MEGF10: variants seen among roughly 807,000 people sequenced by gnomAD.
The protein encoded by MEGF10 is multiple epidermal growth factor-like domains protein 10.
Under a neutral mutation model 147.5 loss-of-function variants are expected in MEGF10, and 86 were observed. The observed-to-expected ratio is 0.58, with a 90% confidence interval of 0.49 to 0.70. The LOEUF (loss-of-function observed/expected upper bound fraction) is 0.70. Ranked by LOEUF, MEGF10 falls within the 30% of genes least tolerant of loss-of-function variation. The pLI is 0.00. For synonymous variants in MEGF10, 478 were observed against 525.5 expected (o/e 0.91, Z 1.24); for missense variants, 1,329 against 1,487.3 (o/e 0.89, Z 1.75).
At chr5:127,396,837 G>A in intron 6 of MEGF10, 59 bp downstream of exon 6, 2 of 1,570,314 alleles carry the variant, frequency 1.3e-6, no homozygotes. Context: ...CATTCATGCT[G>A]CTGCTGCCAT....
chr5:127,260,448 T>G, the MEGF10 span, among the ~76,000 whole-genome samples: 1 of 152,166 alleles, frequency 6.6e-6, no homozygotes. Context: ...CCCAGAAGTT[T>G]CTGGTAAACC....
chr5:127,377,864 G>A lies in MEGF10; in HGVS notation c.412+7862G>A, dbSNP rs146992766. Among the ~76,000 whole-genome samples the A allele has an allele frequency of 1.8e-3, 275 of 152,290 alleles. 3 individuals are homozygous for A. The highest frequency in any genetic ancestry group is 6.2e-3 in the African/African-American group (259 of 41,552). ...CTGTCAGAATTACTTTCGAAATCAGGTTGATGGAGCAGCAAGAATAAGAGT... is the reference window on the plus strand; with the variant it reads ...CTGTCAGAATTACTTTCGAAATCAGATTGATGGAGCAGCAAGAATAAGAGT... On this transcript the variant is annotated intron_variant, in intron 5 of 24. Coordinates refer to ENST00000503335, the MANE Select transcript of MEGF10 (RefSeq NM_001256545.2).
chr5:127,354,630 G>A (rs186242370), intron 4 of MEGF10, among the ~76,000 whole-genome samples: 2 of 152,294 alleles, frequency 1.3e-5, no homozygotes, highest in African/African-American at 2.4e-5. Flanking sequence ...GTATCCTGTG[G>A]CATTCTGGAA....
intron 5 of MEGF10, among the ~76,000 whole-genome samples, chr5:127,372,002 G>T (rs547260731): frequency 1.3e-5 from 2 of 152,164 alleles, no homozygotes; most frequent in Non-Finnish European, 2.9e-5. Flanking sequence ...TGCTATCTGG[G>T]TTTTGTCTGT....
At chr5:127,336,200 G>C (rs552231774) in intron 2 of MEGF10, among the ~76,000 whole-genome samples, 1 of 151,584 alleles carries the variant, frequency 6.6e-6, no homozygotes, top group African/African-American at 2.4e-5. Context: ...TTCTGTACTG[G>C]GTTTGAGTGT....
At chr5:127,338,405 C>T (rs1415017529) in intron 2 of MEGF10, among the ~76,000 whole-genome samples, 3 of 151,970 alleles carry the variant, frequency 2.0e-5, no homozygotes, top group African/African-American at 7.2e-5. Flanking sequence ...TGTTTTCCAC[C>T]CATGTTCTTA....
intron 5 of MEGF10, among the ~76,000 whole-genome samples, chr5:127,391,087 T>TGCGCGCGCGCGC (rs139002719): frequency 1.8e-4 from 24 of 131,892 alleles, no homozygotes; most frequent in Non-Finnish European, 2.4e-4. Flanking sequence ...CATACACACA[T>TGCGCGCGCGCGC]GCGCGCGCGC....
intron 1 of MEGF10, among the ~76,000 whole-genome samples, chr5:127,293,213 TTTCTC>T (rs1759340425): frequency 6.6e-6 from 1 of 152,208 alleles, no homozygotes; most frequent in Admixed American, 6.5e-5. Flanking sequence ...AACCCCCACT[TTTCTC>T]TTTTAACATT....
Position 127,415,064 on chromosome 5 carries a change from C to T in MEGF10, c.1131-2574C>T, listed in dbSNP as rs140140124. Among the ~76,000 whole-genome samples, 486 of 149,574 alleles carry T rather than the reference C, an allele frequency of 3.2e-3. 5 individuals carry two copies. Among genetic ancestry groups the T allele is most frequent in the Middle Eastern group, 0.014 (4 of 284 alleles). On this transcript the variant is annotated intron_variant, in intron 9 of 24. Transcript: ENST00000503335. ...ACATGGAATAGCCCATGTGGACGCC[C>T]CTAAATTGAAAAAAAAAAATGATGC...
At chr5:127,271,229 T>A in the MEGF10 span, among the ~76,000 whole-genome samples, 2 of 152,156 alleles carry the variant, frequency 1.3e-5, no homozygotes, top group Non-Finnish European at 2.9e-5. Flanking sequence ...CACTTGTTTC[T>A]TGACTTTTTA....
intron 1 of MEGF10, among the ~76,000 whole-genome samples, chr5:127,317,890 C>A (rs890181570): frequency 2.0e-5 from 3 of 151,602 alleles, no homozygotes; most frequent in Admixed American, 6.6e-5. Flanking sequence ...CCCCCTAGAA[C>A]TTAAAGTGTA....
At chr5:127,345,064 TTA>T (rs1761831679) in intron 4 of MEGF10, among the ~76,000 whole-genome samples, 1 of 152,160 alleles carries the variant, frequency 6.6e-6, no homozygotes, top group Non-Finnish European at 1.5e-5. Flanking sequence ...CGTCCTGGAG[TTA>T]GTCTTTCATG....
intron 19 of MEGF10, chr5:127,444,779 TCTTC>T (rs1299138854): frequency 6.6e-6 from 1 of 152,418 alleles, no homozygotes. Context: ...CAGAACAATA[TCTTC>T]TGAGGTAAAA....
chr5:127,444,175 T>A (rs1580878306), intron 19 of MEGF10, among the ~76,000 whole-genome samples: 1 of 152,322 alleles, frequency 6.6e-6, no homozygotes, highest in South Asian at 2.1e-4. Flanking sequence ...TTACTGCATG[T>A]GGTACTCCCT....
intron 16 of MEGF10, among the ~76,000 whole-genome samples, chr5:127,438,030 G>A (rs1223355756): frequency 6.6e-6 from 1 of 152,072 alleles, no homozygotes; most frequent in African/African-American, 2.4e-5. Context: ...TTGTTGGTTG[G>A]TTGGTTGGTT....
At chr5:127,237,808 C>T in the MEGF10 span, among the ~76,000 whole-genome samples, 1 of 152,002 alleles carries the variant, frequency 6.6e-6, no homozygotes. Context: ...CTTTGCCCTT[C>T]CCTTGCTTCT....
chr5:127,433,553 G>T (rs2127000354), intron 14 of MEGF10, 44 bp downstream of exon 14: 1 of 1,553,806 alleles, frequency 6.4e-7, no homozygotes, highest in Non-Finnish European at 8.7e-7. Context: ...CCCTTCCCTG[G>T]GCACCATGTA....
chr5:127,327,988 A>G (rs567282557), intron 1 of MEGF10, among the ~76,000 whole-genome samples: 1 of 152,250 alleles, frequency 6.6e-6, no homozygotes, highest in East Asian at 1.9e-4. Flanking sequence ...AAGTGCTGGG[A>G]TTACAGGAGT....
chr5:127,394,110 A>G (rs1439214387), intron 5 of MEGF10, among the ~76,000 whole-genome samples: 1 of 152,196 alleles, frequency 6.6e-6, no homozygotes, highest in Non-Finnish European at 1.5e-5. Flanking sequence ...TGTTGTTTTT[A>G]TCAAAGTAAT....
Sources: gnomAD v4.1 joint callset for allele counts (sites outside exome capture counted in the v4.1 genomes callset) on GRCh38, gnomAD v4.1.1 for gene constraint, MANE v1.5 for transcripts, NCBI Gene and HGNC (gene_info 2026-07-23, HGNC 2026-07-21) for gene names.